Variants in FAM171A1 observed in about 807,000 individuals in gnomAD.
FAM171A1 encodes protein FAM171A1.
In FAM171A1, 23 loss-of-function variants were observed where a neutral mutation model predicts 74.9. The observed-to-expected ratio is 0.31, with a 90% CI of 0.22 to 0.44. The LOEUF is 0.44. Ranked by LOEUF, FAM171A1 falls within the 20% of genes least tolerant of loss-of-function variation. The probability of loss-of-function intolerance (pLI) is 1.00; values close to 1 mark genes in which losing one functional copy is unlikely to be tolerated. For missense variants in FAM171A1, 1,162 were observed against 1,159.2 expected (o/e 1.00, Z -0.03); for synonymous variants, 527 against 505.7 (o/e 1.04, Z -0.57).
chr10:15,293,432 A>G (rs1835124809), intron 1 of FAM171A1, among the ~76,000 whole-genome samples: 1 of 152,214 alleles, frequency 6.6e-6, no homozygotes. Flanking sequence ...GGAGATTAAA[A>G]AAGAAGGAGA....
At chr10:15,309,367 C>T (rs1222918180) in intron 1 of FAM171A1, among the ~76,000 whole-genome samples, 1 of 152,238 alleles carries the variant, frequency 6.6e-6, no homozygotes, top group African/African-American at 2.4e-5. Context: ...ACCACCATGT[C>T]TGGTTGTTAT....
At chr10:15,228,230 C>G (rs1196730578) in intron 5 of FAM171A1, among the ~76,000 whole-genome samples, 1 of 151,928 alleles carries the variant, frequency 6.6e-6, no homozygotes, top group Non-Finnish European at 1.5e-5. Context: ...ATATTACAAG[C>G]ACTATTGACT....
chr10:15,261,690 A>G (rs1221399880), intron 3 of FAM171A1, among the ~76,000 whole-genome samples: 2 of 152,144 alleles, frequency 1.3e-5, no homozygotes, highest in Non-Finnish European at 2.9e-5. Context: ...GAGGCAGAGG[A>G]GAAGTAACAG....
Position 15,212,203 on chromosome 10 carries a change from C to T in FAM171A1, c.*712G>A, listed in dbSNP as rs1221756373. On this transcript the variant is annotated 3_prime_UTR_variant, in exon 8 of 8. Coordinates refer to ENST00000378116, the MANE Select transcript of FAM171A1 (RefSeq NM_001010924.2). ...AGTTAATGGGACCAGGATTGGAGGA[C>T]TCTTAGCTGATACAGATTTCAGTAC... The T allele has an allele frequency of 6.5e-6, 1 of 152,710 alleles. No homozygotes were observed. The highest frequency in any genetic ancestry group is 1.5e-5 in the Non-Finnish European group (1 of 68,146). The allele number at this position is 152,710 out of a possible 1,614,324, so 9.5% of individuals were successfully genotyped here.
At chr10:15,334,890 G>A (rs764834277) in intron 1 of FAM171A1, among the ~76,000 whole-genome samples, 18 of 152,196 alleles carry the variant, frequency 1.2e-4, no homozygotes, top group African/African-American at 2.4e-4. Flanking sequence ...GTTCATGAGC[G>A]TGGCTTCCCA....
chr10:15,328,132 A>C (rs1835580146), intron 1 of FAM171A1, among the ~76,000 whole-genome samples: 1 of 151,710 alleles, frequency 6.6e-6, no homozygotes, highest in Admixed American at 6.6e-5. Flanking sequence ...AAAGATAAAT[A>C]TTAAATGACT....
chr10:15,335,664 T>C (rs1488675252), intron 1 of FAM171A1, among the ~76,000 whole-genome samples: 1 of 152,220 alleles, frequency 6.6e-6, no homozygotes, highest in African/African-American at 2.4e-5. Flanking sequence ...AGCCTGAAAG[T>C]GACAGGGGAC....
In FAM171A1 at chr10:15,284,052, C is replaced by G. The variant is rs373169282; in HGVS notation, c.151G>C (p.Asp51His). The change falls in exon 2 of 8, where the codon GAT (aspartate) becomes CAT (histidine). Residue 51 changes from aspartate to histidine, a missense_variant. Coordinates refer to ENST00000378116, the MANE Select transcript of FAM171A1 (RefSeq NM_001010924.2). ...SDASTHQPVA[D>H]ALIEIFTNQA... ...TTGGTGAAGATCTCGATGAGCGCATCTGCTACGGGCTGGTGGGTGCTGGCG... is the reference window on the plus strand; with the variant it reads ...TTGGTGAAGATCTCGATGAGCGCATGTGCTACGGGCTGGTGGGTGCTGGCG... 4.3e-6 allele frequency: 7 copies of G among 1,611,236 alleles called. No individual in the cohort carries two copies. The African/African-American group carries it at 9.5e-5, about 22-fold the overall frequency.
chr10:15,331,848 T>C (rs1459575913), intron 1 of FAM171A1, among the ~76,000 whole-genome samples: 1 of 82,642 alleles, frequency 1.2e-5, no homozygotes, highest in African/African-American at 5.8e-5. Context: ...TATGTGTGTA[T>C]ATATATGTGT....
chr10:15,330,615 G>C lies in FAM171A1; in HGVS notation c.97+40341C>G, dbSNP rs554841270. Among the ~76,000 whole-genome samples the C allele has an allele frequency of 3.2e-3, 489 of 151,994 alleles. 6 individuals are homozygous for C. In the South Asian group the frequency reaches 0.037, roughly 11 times the overall value. On this transcript the variant is annotated intron_variant, in intron 1 of 7. Coordinates refer to ENST00000378116, the MANE Select transcript of FAM171A1 (RefSeq NM_001010924.2). ...GACACAAACGTAAATGTTACCCACA[G>C]GCAGCCTCTTACTCACCTTTTCTAC... is the stretch of plus-strand genomic sequence containing the variant.
chr10:15,365,866 C>T (rs991591486), intron 1 of FAM171A1, among the ~76,000 whole-genome samples: 5 of 151,786 alleles, frequency 3.3e-5, no homozygotes, highest in East Asian at 1.9e-4. Context: ...GAGGAGCTGG[C>T]GAATGAAACA....
intron 1 of FAM171A1, among the ~76,000 whole-genome samples, chr10:15,298,770 A>G (rs1835191810): frequency 6.6e-6 from 1 of 152,166 alleles, no homozygotes; most frequent in South Asian, 2.1e-4. Context: ...AAATATGGAA[A>G]ATGCATTTAC....
At chr10:15,333,787 T>C (rs1017603888) in intron 1 of FAM171A1, among the ~76,000 whole-genome samples, 3 of 152,012 alleles carry the variant, frequency 2.0e-5, no homozygotes, top group Non-Finnish European at 2.9e-5. Flanking sequence ...AGTGTAGTGA[T>C]TGTGCCACTG....
Position 15,233,067 on chromosome 10 carries a change from G to C in FAM171A1, c.755-12007C>G, listed in dbSNP as rs535129716. Among the ~76,000 whole-genome samples, 8 of 152,316 alleles carry C rather than the reference G, an allele frequency of 5.3e-5. No homozygotes were observed. In the South Asian group the frequency reaches 8.3e-4, roughly 16 times the overall value. ...CCCAGCACTTTGGGAGGCTGAGGCA[G>C]GCAGATCACGAGGTCAGGAGATCGA... On this transcript the variant is annotated intron_variant, in intron 5 of 7. Transcript: ENST00000378116.
chr10:15,267,122 C>T (rs61524211), intron 3 of FAM171A1, among the ~76,000 whole-genome samples: 3 of 152,256 alleles, frequency 2.0e-5, no homozygotes, highest in South Asian at 4.1e-4. Context: ...AGGCTAAAGA[C>T]GTGTACCCCA....
chr10:15,312,193 G>C (rs895723028), intron 1 of FAM171A1, among the ~76,000 whole-genome samples: 1 of 152,160 alleles, frequency 6.6e-6, no homozygotes, highest in Admixed American at 6.5e-5. Flanking sequence ...CGAAAGAGAG[G>C]ATCAAAAGCC....
In FAM171A1 at chr10:15,225,746, C is replaced by A. The variant is rs1159082593; in HGVS notation, c.755-4686G>T. On this transcript the variant is annotated intron_variant, in intron 5 of 7. Transcript: ENST00000378116. ...TTCATCATGCGGTGAGAGCCTCGGG[C>A]ACTGCTGAGACAGAGCAAGGGAGGA... Among the ~76,000 whole-genome samples the A allele has an allele frequency of 3.3e-5, 5 of 152,094 alleles. 1 individual carries two copies. The highest frequency in any genetic ancestry group is 3.3e-4 in the Admixed American group (5 of 15,274).
intron 1 of FAM171A1, among the ~76,000 whole-genome samples, chr10:15,325,673 G>C (rs1314139519): frequency 6.6e-6 from 1 of 152,120 alleles, no homozygotes; most frequent in Non-Finnish European, 1.5e-5. Flanking sequence ...ATCAAGCTTT[G>C]ATATTGGCTA....
chr10:15,309,508 G>A (rs1025070070), intron 1 of FAM171A1, among the ~76,000 whole-genome samples: 1 of 152,250 alleles, frequency 6.6e-6, no homozygotes, highest in South Asian at 2.1e-4. Flanking sequence ...GCCTGGGCAA[G>A]TTTATCTTAT....
Sources: allele counts gnomAD v4.1 joint callset (sites outside exome capture counted in the v4.1 genomes callset), GRCh38; gene constraint gnomAD v4.1.1; transcripts MANE v1.5; gene names NCBI Gene and HGNC (gene_info 2026-07-23, HGNC 2026-07-21).